The following PPARD variants were observed in gnomAD, a reference collection of about 807,000 sequenced individuals.
The protein encoded by PPARD is peroxisome proliferator activated receptor delta.
PPARD carries 6 observed loss-of-function variants against 39.5 expected under a neutral mutation model. The observed-to-expected ratio is 0.15, with a 90% CI of 0.08 to 0.30. The LOEUF (loss-of-function observed/expected upper bound fraction) is 0.30. Ranked by LOEUF, PPARD falls within the 10% of genes least tolerant of loss-of-function variation. PPARD has a pLI of 1.00. For missense variants in PPARD, 397 were observed against 596.8 expected, an observed-to-expected ratio of 0.67 and a Z score of 3.49; for synonymous variants, 210 against 231.3, an observed-to-expected ratio of 0.91 and a Z score of 0.83.
chr6:35,354,547 C>T (rs969941606), intron 2 of PPARD, among the ~76,000 whole-genome samples: 4 of 152,082 alleles, frequency 2.6e-5, no homozygotes, highest in African/African-American at 7.2e-5. Context: ...GACCTGCCCA[C>T]CTCGGCCTCC....
In PPARD at chr6:35,425,043, C is replaced by T. The variant is rs201449887; in HGVS notation, c.1078+264C>T. 86 of 1,266,264 alleles carry T rather than the reference C, an allele frequency of 6.8e-5. 1 individual carries two copies. The highest frequency in any genetic ancestry group is 3.8e-4 in the South Asian group (19 of 50,014). 78.4% of individuals were successfully genotyped at this position (1,266,264 alleles called of 1,614,324 possible). A position where few individuals can be genotyped will look rare whatever the true frequency, so the allele number is the denominator to read the frequency against. On this transcript the variant is annotated intron_variant, in intron 7 of 7. Transcript: ENST00000360694. The surrounding 1 kb of genome is among the most constrained non-coding windows in gnomAD (Gnocchi z 4.5). The stretch of plus-strand genomic sequence containing the variant: ...ATCCCAGCACTTTGGCAGGCCGAGG[C>T]GGGTGGATCACTTGAGGTCAGGAGT...
intron 2 of PPARD, among the ~76,000 whole-genome samples, chr6:35,367,127 C>G (rs912180413): frequency 6.6e-6 from 1 of 152,022 alleles, no homozygotes; most frequent in Non-Finnish European, 1.5e-5. Flanking sequence ...GAGGTTGATT[C>G]TTTGAACCTG....
intron 2 of PPARD, among the ~76,000 whole-genome samples, chr6:35,373,417 A>T (rs1008841250): frequency 6.6e-6 from 1 of 152,224 alleles, no homozygotes; most frequent in Non-Finnish European, 1.5e-5. Context: ...CCTTGATGCC[A>T]CAAGCCACTG....
intron 2 of PPARD, among the ~76,000 whole-genome samples, chr6:35,402,435 G>T (rs1353765707): frequency 6.6e-6 from 1 of 152,162 alleles, no homozygotes; most frequent in Admixed American, 6.5e-5. Flanking sequence ...AGGTGGGTGG[G>T]TGGGCACACC....
intron 2 of PPARD, among the ~76,000 whole-genome samples, chr6:35,389,328 T>G (rs2150658087): frequency 6.6e-6 from 1 of 152,350 alleles, no homozygotes; most frequent in Non-Finnish European, 1.5e-5. Context: ...TTTGTTTTTT[T>G]GAGATGGAGT....
intron 2 of PPARD, among the ~76,000 whole-genome samples, chr6:35,379,667 C>G (rs902796315): frequency 6.6e-6 from 1 of 152,220 alleles, no homozygotes; most frequent in African/African-American, 2.4e-5. Flanking sequence ...GCAAGTGTGT[C>G]CCTTTGACAA....
chr6:35,404,953 TTGTGTGTGTGTGTGTGTGTG>T (rs59359748), intron 2 of PPARD, among the ~76,000 whole-genome samples: 11 of 142,130 alleles, frequency 7.7e-5, no homozygotes, highest in Non-Finnish European at 1.4e-4. Flanking sequence ...ACTGCAGGCT[TTGTGTGTGTGTGTGTGTGTG>T]TGTGTGTGTG....
chr6:35,424,978 A>G lies in PPARD; in HGVS notation c.1078+199A>G. 1 of 1,422,126 alleles carries G rather than the reference A, an allele frequency of 7.0e-7. No homozygotes were observed. Among genetic ancestry groups the G allele is most frequent in the South Asian group, 1.5e-5 (1 of 65,232 alleles). 88.1% of individuals were successfully genotyped at this position (1,422,126 alleles called of 1,614,324 possible). ...TATGTACGTAGATAGAGGTGGAGAC[A>G]GGAAAAAGACTAAGCCAGACGTGGT... On this transcript the variant is annotated intron_variant, in intron 7 of 7. Transcript: ENST00000360694. This position sits in a 1 kb window ranked among gnomAD's most constrained non-coding sequence, Gnocchi z 7.1.
chr6:35,352,671 A>G (rs7771323), intron 2 of PPARD, among the ~76,000 whole-genome samples: 14,467 of 152,182 alleles, frequency 0.095, 1,249 homozygotes, highest in African/African-American at 0.23. Context: ...AAGACGGGGC[A>G]GGTGTCATCT....
chr6:35,411,272 T>G (rs1581651961), intron 3 of PPARD, 55 bp downstream of exon 3: 1 of 1,385,162 alleles, frequency 7.2e-7, no homozygotes, highest in Non-Finnish European at 9.5e-7. Flanking sequence ...CCCAGTGCAG[T>G]GGGGATCCTG....
chr6:35,387,948 C>T (rs977250719), intron 2 of PPARD, among the ~76,000 whole-genome samples: 10 of 151,358 alleles, frequency 6.6e-5, no homozygotes, highest in Admixed American at 5.9e-4. Context: ...TTTCAAACTC[C>T]TGACCTCAAA....
chr6:35,400,050 TG>T (rs1482621309), intron 2 of PPARD, among the ~76,000 whole-genome samples: 3 of 152,222 alleles, frequency 2.0e-5, no homozygotes, highest in Non-Finnish European at 2.9e-5. Flanking sequence ...TTGAGATCCC[TG>T]GGTTCTCCTG....
At chr6:35,367,186 G>T (rs1762251165) in intron 2 of PPARD, among the ~76,000 whole-genome samples, 1 of 152,204 alleles carries the variant, frequency 6.6e-6, no homozygotes, top group African/African-American at 2.4e-5. Context: ...AGAGGCCGGA[G>T]GGAACACTGA....
intron 2 of PPARD, among the ~76,000 whole-genome samples, chr6:35,387,716 CTTTTT>C (rs61314141): frequency 1.1e-5 from 1 of 89,356 alleles, no homozygotes; most frequent in East Asian, 3.5e-4. Flanking sequence ...ACACTGCATT[CTTTTT>C]TTTTTTTTTT....
Position 35,426,328 on chromosome 6 carries a change from T to G in PPARD, c.*249T>G. On this transcript the variant is annotated 3_prime_UTR_variant, in exon 8 of 8. Coordinates refer to ENST00000360694, the MANE Select transcript of PPARD (RefSeq NM_006238.5). Reference sequence around the variant, plus strand: ...GTTCCTCTTTCTTTTCTAATTCCTGTTGCTCTGTTTCTTCCTTTCTGTAGG... The same window carrying G: ...GTTCCTCTTTCTTTTCTAATTCCTGGTGCTCTGTTTCTTCCTTTCTGTAGG... 1 of 561,532 alleles carries G rather than the reference T, an allele frequency of 1.8e-6. No individual in the cohort carries two copies. 34.8% of individuals were successfully genotyped at this position (561,532 alleles called of 1,614,324 possible). A position where few individuals can be genotyped will look rare whatever the true frequency, so the allele number is the denominator to read the frequency against.
intron 2 of PPARD, 92 bp from the exon 3 acceptor site, chr6:35,410,895 C>G (rs1765379065): frequency 1.6e-6 from 2 of 1,243,132 alleles, no homozygotes; most frequent in African/African-American, 1.6e-5. Flanking sequence ...GAACCCCCTC[C>G]ATGACAGCAG....
At chr6:35,382,889 G>A (rs1233608520) in intron 2 of PPARD, among the ~76,000 whole-genome samples, 1 of 152,170 alleles carries the variant, frequency 6.6e-6, no homozygotes, top group Non-Finnish European at 1.5e-5. Context: ...TTCAGTATGT[G>A]TTGTTGTTAT....
chr6:35,424,751 A>C lies in PPARD; in HGVS notation c.1050A>C (p.Leu350=). ...ALELDDSDLA[L]FIAAIILCGD... ...AACTTGATGACAGTGACCTGGCCCT[A>C]TTCATTGCGGCCATCATTCTGTGTG... Residue 350 remains leucine, a synonymous_variant, in exon 7 of 8, where the codon CTA becomes CTC. Coordinates refer to ENST00000360694, the MANE Select transcript of PPARD (RefSeq NM_006238.5). This position sits in a 1 kb window ranked among gnomAD's most constrained non-coding sequence, Gnocchi z 7.1. 2.5e-6 allele frequency: 4 copies of C among 1,614,134 alleles called. No individual in the cohort carries two copies. Among genetic ancestry groups the C allele is most frequent in the Non-Finnish European group, 3.4e-6 (4 of 1,180,006 alleles).
At position 35,404,953 on chromosome 6, in the gene PPARD, T is replaced by TGTGTG. The variant is rs1764934030; in HGVS notation, c.-101-6034_-101-6033insGTGTG. Among the ~76,000 whole-genome samples the TGTGTG allele has an allele frequency of 6.2e-4, 88 of 142,218 alleles. 2 individuals carry two copies. Among genetic ancestry groups the TGTGTG allele is most frequent in the Admixed American group, 5.7e-3 (83 of 14,564 alleles). 93.3% of individuals were successfully genotyped at this position (142,218 alleles called of 152,430 possible). A position where few individuals can be genotyped will look rare whatever the true frequency, so the allele number is the denominator to read the frequency against. ...GGGGGCTGCATGTGCACTGCAGGCT[T>TGTGTG]TGTGTGTGTGTGTGTGTGTGTGTGT... On this transcript the variant is annotated intron_variant, in intron 2 of 7. Transcript: ENST00000360694.
Sources: allele counts gnomAD v4.1 joint callset (sites outside exome capture counted in the v4.1 genomes callset), GRCh38; gene constraint gnomAD v4.1.1; non-coding constraint Gnocchi (gnomAD v3.1); transcripts MANE v1.5; gene names NCBI Gene and HGNC (gene_info 2026-07-23, HGNC 2026-07-21).